QKI: variants seen among roughly 807,000 people sequenced by gnomAD.
QKI encodes the protein KH domain-containing RNA-binding protein QKI.
In QKI, 10 loss-of-function variants were observed where a neutral mutation model predicts 39.0. The observed-to-expected ratio is 0.26, with a 90% confidence interval of 0.16 to 0.43. The LOEUF (loss-of-function observed/expected upper bound fraction) is 0.43. Ranked by LOEUF, QKI falls within the 20% of genes least tolerant of loss-of-function variation. QKI has a pLI of 1.00. For synonymous variants in QKI, 204 were observed against 155.4 expected, an observed-to-expected ratio of 1.31 and a Z score of -2.33; for missense variants, 218 against 428.0, an observed-to-expected ratio of 0.51 and a Z score of 4.33.
chr6:163,454,517 C>G (rs4709716), intron 1 of QKI, among the ~76,000 whole-genome samples: 67,440 of 151,952 alleles, frequency 0.44, 17,320 homozygotes, highest in East Asian at 0.72. Context: ...TGCTGTTTAT[C>G]TTACATTCTT....
intron 1 of QKI, among the ~76,000 whole-genome samples, chr6:163,440,962 ATT>A (rs1582992324): frequency 6.6e-6 from 1 of 151,782 alleles, no homozygotes; most frequent in Admixed American, 6.6e-5. Context: ...CTTTTATTTT[ATT>A]ATGTTCTGAA....
intron 1 of QKI, among the ~76,000 whole-genome samples, chr6:163,427,635 C>T (rs1239841947): frequency 6.6e-6 from 1 of 151,978 alleles, no homozygotes; most frequent in Admixed American, 6.6e-5. Flanking sequence ...ATGGAAAATA[C>T]ACATATATTT....
At chr6:163,479,128 A>C (rs1351602706) in intron 3 of QKI, among the ~76,000 whole-genome samples, 1 of 152,042 alleles carries the variant, frequency 6.6e-6, no homozygotes, top group African/African-American at 2.4e-5. Context: ...TTTACTAAAA[A>C]AAATACAAAA....
chr6:163,537,632 C>T (rs987253790), intron 4 of QKI, among the ~76,000 whole-genome samples: 12 of 152,168 alleles, frequency 7.9e-5, no homozygotes, highest in Non-Finnish European at 1.2e-4. Flanking sequence ...TTCTCAGTTA[C>T]GCTTTTCTTG....
In QKI at chr6:163,441,192, TAAG is replaced by T. The variant is rs558867746; in HGVS notation, c.143-14085_143-14083del. 2.6e-4 allele frequency among the ~76,000 whole-genome samples: 40 copies of T among 152,298 alleles called. 1 individual carries two copies. In the South Asian group the frequency reaches 8.3e-3, roughly 32 times the overall value. On this transcript the variant is annotated intron_variant, in intron 1 of 7. Coordinates refer to ENST00000361752, the MANE Select transcript of QKI (RefSeq NM_006775.3). ...GTATATTTTATTTTCTCATCTGATG[TAAG>T]ATACACTGGAAGAATTTAGCATTGA...
intron 1 of QKI, among the ~76,000 whole-genome samples, chr6:163,442,101 G>A (rs1443885663): frequency 2.0e-5 from 3 of 152,152 alleles, no homozygotes; most frequent in Non-Finnish European, 2.9e-5. Flanking sequence ...CAGAGGCTGC[G>A]TGCTATGTGA....
At chr6:163,566,381 G>T in intron 6 of QKI, 1 of 1,210,998 alleles carries the variant, frequency 8.3e-7, no homozygotes, top group Non-Finnish European at 1.0e-6. Flanking sequence ...CGTTATTTAA[G>T]TAGTCCTGCT....
chr6:163,490,248 A>G (rs552825274), intron 3 of QKI, among the ~76,000 whole-genome samples: 2 of 152,336 alleles, frequency 1.3e-5, no homozygotes, highest in South Asian at 2.1e-4. Flanking sequence ...AGTAAGTAGT[A>G]CTATAAATGA....
intron 3 of QKI, among the ~76,000 whole-genome samples, chr6:163,529,323 T>C (rs1189706146): frequency 1.3e-5 from 2 of 152,218 alleles, no homozygotes; most frequent in African/African-American, 4.8e-5. Flanking sequence ...GTTTGATATT[T>C]GATTTGAATG....
intron 3 of QKI, among the ~76,000 whole-genome samples, chr6:163,528,228 A>C (rs1001764954): frequency 3.9e-5 from 6 of 152,156 alleles, no homozygotes; most frequent in African/African-American, 1.4e-4. Flanking sequence ...GCCAGCTCTA[A>C]ATTCTGTGAG....
At chr6:163,494,849 G>C (rs1296428680) in intron 3 of QKI, among the ~76,000 whole-genome samples, 1 of 151,970 alleles carries the variant, frequency 6.6e-6, no homozygotes, top group Non-Finnish European at 1.5e-5. Flanking sequence ...GCTTAGTTCA[G>C]GCATGAGTTA....
At chr6:163,493,229 C>A (rs1778175826) in intron 3 of QKI, among the ~76,000 whole-genome samples, 1 of 150,578 alleles carries the variant, frequency 6.6e-6, no homozygotes, top group South Asian at 2.1e-4. Context: ...CTCCTGGGTT[C>A]AAGCGATTCT....
At chr6:163,513,392 A>G (rs1366078921) in intron 3 of QKI, among the ~76,000 whole-genome samples, 1 of 152,224 alleles carries the variant, frequency 6.6e-6, no homozygotes, top group African/African-American at 2.4e-5. Flanking sequence ...ACACAAAACA[A>G]AAAAGCAGAT....
chr6:163,540,108 CT>C (rs148682534), intron 4 of QKI, among the ~76,000 whole-genome samples: 9 of 148,044 alleles, frequency 6.1e-5, no homozygotes, highest in African/African-American at 2.0e-4. Flanking sequence ...TGAATAAGTT[CT>C]TTTTTTTTGG....
chr6:163,516,110 T>G (rs1583143184), intron 3 of QKI, among the ~76,000 whole-genome samples: 1 of 152,122 alleles, frequency 6.6e-6, no homozygotes, highest in Non-Finnish European at 1.5e-5. Flanking sequence ...TAATATTTGT[T>G]TTGTGGGTCC....
rs1216551401 is a variant in QKI at position 163,563,413 on chromosome 6, A to G, written c.635-7A>G. 6.3e-7 allele frequency: 1 copy of G among 1,581,140 alleles called. No homozygotes were observed. Among genetic ancestry groups the G allele is most frequent in the Non-Finnish European group, 8.6e-7 (1 of 1,163,468 alleles). ...TACTTCTTTCTAAATTTCTTTGCTT[A>G]CTGTAGCAGCCCTTGCCTTTTCTCT... On this transcript the variant is annotated splice_region_variant and splice_polypyrimidine_tract_variant and intron_variant, in intron 5 of 7. Transcript: ENST00000361752.
At chr6:163,566,541 A>G (rs1783370813) in intron 6 of QKI, 180 bp from the exon 7 acceptor site, 1 of 1,445,060 alleles carries the variant, frequency 6.9e-7, no homozygotes, top group Non-Finnish European at 9.1e-7. Context: ...TGCAATATTA[A>G]TAGATGCATA....
chr6:163,494,698 TTTTTTGACTG>T (rs1461198610), intron 3 of QKI, among the ~76,000 whole-genome samples: 1 of 151,910 alleles, frequency 6.6e-6, no homozygotes, highest in African/African-American at 2.4e-5. Context: ...TGTTTTTGTG[TTTTTTGACTG>T]TTTATTATGA....
chr6:163,428,460 A>G (rs1172739953), intron 1 of QKI, among the ~76,000 whole-genome samples: 1 of 152,076 alleles, frequency 6.6e-6, no homozygotes, highest in Admixed American at 6.6e-5. Flanking sequence ...AATGTGTCAT[A>G]GTTTACTATA....
Sources: gnomAD v4.1 joint callset for allele counts (sites outside exome capture counted in the v4.1 genomes callset) on GRCh38, gnomAD v4.1.1 for gene constraint, MANE v1.5 for transcripts, NCBI Gene and HGNC (gene_info 2026-07-23, HGNC 2026-07-21) for gene names.